MGA: variants seen among roughly 807,000 people sequenced by gnomAD.
MGA encodes MAX dimerization protein MGA.
MGA carries 40 observed loss-of-function variants against 261.1 expected under a neutral mutation model. The observed-to-expected ratio is 0.15, with a 90% CI of 0.12 to 0.20. The LOEUF (loss-of-function observed/expected upper bound fraction) is 0.20, where lower values mean the gene tolerates loss of function less well. MGA is among the 10% of genes least tolerant of loss of function. The pLI is 1.00. For missense variants in MGA, 3,397 were observed against 3,630.5 expected, an observed-to-expected ratio of 0.94 and a Z score of 1.65; for synonymous variants, 1,302 against 1,290.6, an observed-to-expected ratio of 1.01 and a Z score of -0.19.
At position 41,740,214 on chromosome 15, in the gene MGA, G is replaced by A. The variant is rs771354360; in HGVS notation, c.4585+11G>A. Reference sequence around the variant, plus strand: ...CAAAACGGCCAATTGGTAAGTTGGGGTGTATGTATGGTTTGGAAAGGCCTA... The same window carrying A: ...CAAAACGGCCAATTGGTAAGTTGGGATGTATGTATGGTTTGGAAAGGCCTA... On this transcript the variant is annotated intron_variant, in intron 14 of 23. Transcript: ENST00000219905. 1 of 1,612,876 alleles carries A rather than the reference G, an allele frequency of 6.2e-7. No homozygotes were observed. The highest frequency in any genetic ancestry group is 8.5e-7 in the Non-Finnish European group (1 of 1,179,316).
In MGA at chr15:41,696,176, A is replaced by G. The variant is rs1566988909; in HGVS notation, c.1166A>G (p.Tyr389Cys). 1.2e-6 allele frequency: 2 copies of G among 1,613,864 alleles called. No homozygotes were observed. Among genetic ancestry groups the G allele is most frequent in the Non-Finnish European group, 1.7e-6 (2 of 1,179,902 alleles). The change falls in exon 3 of 24, where the codon TAT (tyrosine) becomes TGT (cysteine). Residue 389 changes from tyrosine (Y) to cysteine (C), a missense_variant. Tyr to Cys is a radical substitution (Grantham distance 194). Transcript: ENST00000219905. ...ATTAAAGAGGAACCTCTAGATGATT[A>G]TGACTACGAACTTGGTGAGTGCCCA... is the stretch of plus-strand genomic sequence containing the variant.
intron 1 of MGA, among the ~76,000 whole-genome samples, chr15:41,668,073 G>A (rs556890648): frequency 1.3e-5 from 2 of 152,006 alleles, no homozygotes; most frequent in South Asian, 4.2e-4. Context: ...CAAAGTGCTG[G>A]GATTGCAGGT....
intron 1 of MGA, chr15:41,621,443 C>T (rs1444112609): frequency 1.3e-5 from 2 of 152,286 alleles, no homozygotes; most frequent in African/African-American, 2.4e-5. Context: ...GAGCTCGGTG[C>T]CAGGTGATTA....
intron 19 of MGA, among the ~76,000 whole-genome samples, chr15:41,759,191 A>G (rs2063313721): frequency 6.6e-6 from 1 of 152,200 alleles, no homozygotes; most frequent in Admixed American, 6.5e-5. Context: ...AAAAGTAGTG[A>G]TGTAACTATA....
At position 41,729,173 on chromosome 15, in the gene MGA, G is replaced by A. The variant is rs373917583; in HGVS notation, c.3667G>A (p.Glu1223Lys). ...TGTATGAAATTTACAGATTCGGGAA[G>A]AGGACAAAGATCCAGTCTACTTGTA... The change falls in exon 11 of 24, where the codon GAG becomes AAG. Residue 1223 changes from glutamate to lysine, a missense_variant. Transcript: ENST00000219905. 3.7e-6 allele frequency: 6 copies of A among 1,613,458 alleles called. No homozygotes were observed. Among genetic ancestry groups the A allele is most frequent in the Non-Finnish European group, 5.1e-6 (6 of 1,179,688 alleles).
At chr15:41,656,560 AT>A (rs2057202989), upstream of MGA, among the ~76,000 whole-genome samples, 1 of 151,446 alleles carries the variant, frequency 6.6e-6, no homozygotes, top group Admixed American at 6.6e-5. Context: ...GGGTCTTGCC[AT>A]GTTGCCCAGG....
intron 9 of MGA, 84 bp downstream of exon 9, chr15:41,713,580 A>G (rs2060484022): frequency 7.2e-7 from 1 of 1,385,974 alleles, no homozygotes; most frequent in East Asian, 2.5e-5. Context: ...ACCTACCTTA[A>G]TCCCGATCAA....
chr15:41,680,220 G>T (rs1249445174), intron 2 of MGA, among the ~76,000 whole-genome samples: 1 of 152,096 alleles, frequency 6.6e-6, no homozygotes, highest in Non-Finnish European at 1.5e-5. Flanking sequence ...TTCTTACTCT[G>T]TCTCTTGAGT....
intron 7 of MGA, among the ~76,000 whole-genome samples, chr15:41,709,564 C>T (rs2060282710): frequency 6.6e-6 from 1 of 151,890 alleles, no homozygotes; most frequent in South Asian, 2.1e-4. Context: ...CCCTGCTCAG[C>T]CTCCAGAATA....
At chr15:41,690,999 T>C (rs1029740653) in intron 2 of MGA, among the ~76,000 whole-genome samples, 75 of 150,900 alleles carry the variant, frequency 5.0e-4, no homozygotes, top group Non-Finnish European at 6.9e-4. Context: ...GCTTTGTTTT[T>C]TTTTTTTTTT....
chr15:41,746,741 G>A (rs1041463489), intron 15 of MGA, among the ~76,000 whole-genome samples: 2 of 151,720 alleles, frequency 1.3e-5, no homozygotes, highest in Non-Finnish European at 2.9e-5. Flanking sequence ...TGGGCAGAGT[G>A]CCTGTTTGAT....
Position 41,665,015 on chromosome 15 carries a change from G to C in MGA, c.-67-3813G>C, listed in dbSNP as rs143428975. ...TCCTGATATTAGTGCTTTAGTGTTG[G>C]GAAGTGAATTTCTATTTTTATCTCT... On this transcript the variant is annotated intron_variant, in intron 1 of 23. Coordinates refer to ENST00000219905, the MANE Select transcript of MGA (RefSeq NM_001164273.2). Among the ~76,000 whole-genome samples, 248 of 152,216 alleles carry C rather than the reference G, an allele frequency of 1.6e-3. 1 individual carries two copies. Among genetic ancestry groups the C allele is most frequent in the African/African-American group, 5.8e-3 (239 of 41,534 alleles).
intron 9 of MGA, among the ~76,000 whole-genome samples, chr15:41,726,225 C>G (rs534257047): frequency 5.3e-5 from 8 of 152,256 alleles, no homozygotes; most frequent in African/African-American, 1.9e-4. Flanking sequence ...GGTTCTGCCT[C>G]TTACTGGTTG....
At chr15:41,741,577 G>A (rs2062105775) in intron 14 of MGA, among the ~76,000 whole-genome samples, 1 of 151,958 alleles carries the variant, frequency 6.6e-6, no homozygotes, top group Non-Finnish European at 1.5e-5. Flanking sequence ...TAGAAATTGG[G>A]GGAAACAAAC....
chr15:41,745,905 C>T (rs1236308400), intron 15 of MGA, among the ~76,000 whole-genome samples: 1 of 152,188 alleles, frequency 6.6e-6, no homozygotes, highest in Non-Finnish European at 1.5e-5. Flanking sequence ...TGCATCCTGC[C>T]AGGAAACACT....
chr15:41,714,769 A>G (rs72724143), intron 9 of MGA, among the ~76,000 whole-genome samples: 1 of 152,320 alleles, frequency 6.6e-6, no homozygotes, highest in Non-Finnish European at 1.5e-5. Context: ...CTAGGATTAT[A>G]ATAGGCATGA....
rs2063028437 is a variant in MGA, at chr15:41,754,473, C to A, written c.7045C>A (p.His2349Asn). 2 of 1,559,152 alleles carry A rather than the reference C, an allele frequency of 1.3e-6. No individual in the cohort carries two copies. Among genetic ancestry groups the A allele is most frequent in the Non-Finnish European group, 1.7e-6 (2 of 1,150,436 alleles). The change falls in exon 18 of 24, where the codon CAC becomes AAC. Residue 2349 changes from histidine (H) to asparagine (N), a missense_variant. Coordinates refer to ENST00000219905, the MANE Select transcript of MGA (RefSeq NM_001164273.2). Reference sequence around the variant, plus strand: ...AGAATACATTGAGGATGATGAGGAGCACGTGGACATTGAGACTGTAGAAGA... The same window carrying A: ...AGAATACATTGAGGATGATGAGGAGAACGTGGACATTGAGACTGTAGAAGA...
intron 17 of MGA, among the ~76,000 whole-genome samples, chr15:41,753,451 C>G (rs1265484501): frequency 2.0e-5 from 3 of 151,406 alleles, no homozygotes; most frequent in South Asian, 4.2e-4. Context: ...TTAAAAAGAT[C>G]TGCTTATCCT....
At chr15:41,649,453 C>T (rs1424838060) in intron 1 of MGA, among the ~76,000 whole-genome samples, 3 of 150,772 alleles carry the variant, frequency 2.0e-5, no homozygotes, top group Non-Finnish European at 4.4e-5. Context: ...GACAATTATA[C>T]AAATAAATAT....
Sources: gnomAD v4.1 joint callset for allele counts (sites outside exome capture counted in the v4.1 genomes callset) on GRCh38, gnomAD v4.1.1 for gene constraint, MANE v1.5 for transcripts, NCBI Gene and HGNC (gene_info 2026-07-23, HGNC 2026-07-21) for gene names.